Variants in PRDM16 observed in about 807,000 individuals in gnomAD.
The protein encoded by PRDM16 is histone-lysine N-methyltransferase PRDM16.
Under a neutral mutation model 110.6 loss-of-function variants are expected in PRDM16, and 23 were observed. The ratio of observed to expected loss-of-function variants is 0.21; its 90% CI spans 0.15 to 0.29. PRDM16 has a LOEUF of 0.29. PRDM16 is among the 10% of genes least tolerant of loss of function. The pLI is 1.00. For missense variants in PRDM16, 1,615 were observed against 1,794.3 expected, an observed-to-expected ratio of 0.90 and a Z score of 1.81; for synonymous variants, 799 against 781.8, an observed-to-expected ratio of 1.02 and a Z score of -0.37.
Position 3,382,389 on chromosome 1 carries a change from C to G in PRDM16, c.439-2763C>G, listed in dbSNP as rs1643116856. 6.6e-6 allele frequency among the ~76,000 whole-genome samples: 1 copy of G among 152,214 alleles called. No individual in the cohort carries two copies. The highest frequency in any genetic ancestry group is 6.5e-5 in the Admixed American group (1 of 15,290). On this transcript the variant is annotated intron_variant, in intron 3 of 16. Transcript: ENST00000270722. This position sits in a 1 kb window ranked among gnomAD's most constrained non-coding sequence, Gnocchi z 6.6. Reference sequence around the variant, plus strand: ...GTGACCTCCCTGGACAGCGTGAGGACCCTTCCTGCAGCCCCTTTAGGGACC... The same window carrying G: ...GTGACCTCCCTGGACAGCGTGAGGAGCCTTCCTGCAGCCCCTTTAGGGACC...
intron 1 of PRDM16, among the ~76,000 whole-genome samples, chr1:3,181,393 C>CACAA (rs1644177534): frequency 1.8e-5 from 1 of 56,760 alleles, no homozygotes; most frequent in Non-Finnish European, 3.7e-5. Flanking sequence ...CACGGCCTTA[C>CACAA]GCATGGTCTT....
intron 2 of PRDM16, among the ~76,000 whole-genome samples, chr1:3,224,760 C>T (rs1639248530): frequency 6.6e-6 from 1 of 152,252 alleles, no homozygotes; most frequent in African/African-American, 2.4e-5. Context: ...GGAACCCCTA[C>T]TGTGAAGCCA....
intron 3 of PRDM16, among the ~76,000 whole-genome samples, chr1:3,274,204 C>T (rs544036460): frequency 1.8e-4 from 28 of 152,174 alleles, no homozygotes; most frequent in Non-Finnish European, 3.5e-4. Context: ...AACCTGACGC[C>T]CTGGCAGGTA....
chr1:3,213,451 T>G lies in PRDM16; in HGVS notation c.387+26977T>G, dbSNP rs1294142466. ...AATTGGGAGGACTGTAATTTTCCAC[T>G]TAGGCTTGTCACCAATCGGGCAGTC... is the stretch of plus-strand genomic sequence containing the variant. On this transcript the variant is annotated intron_variant, in intron 2 of 16. Coordinates refer to ENST00000270722, the MANE Select transcript of PRDM16 (RefSeq NM_022114.4). The surrounding 1 kb of genome is among the most constrained non-coding windows in gnomAD (Gnocchi z 5.3). Among the ~76,000 whole-genome samples, 1 of 152,192 alleles carries G rather than the reference T, an allele frequency of 6.6e-6. No individual in the cohort carries two copies. Among genetic ancestry groups the G allele is most frequent in the Non-Finnish European group, 1.5e-5 (1 of 68,036 alleles).
chr1:3,183,908 G>A (rs948555779), intron 1 of PRDM16, among the ~76,000 whole-genome samples: 11 of 152,176 alleles, frequency 7.2e-5, no homozygotes, highest in African/African-American at 1.4e-4. Flanking sequence ...TAAGGAGCGC[G>A]TCGAGGGGGC....
chr1:3,117,138 TC>T (rs1274233211), intron 1 of PRDM16, among the ~76,000 whole-genome samples: 1 of 152,200 alleles, frequency 6.6e-6, no homozygotes, highest in Non-Finnish European at 1.5e-5. Context: ...GCTCTTCTGC[TC>T]CGGCTGTTTC....
At chr1:3,347,707 C>T (rs758483666) in intron 3 of PRDM16, among the ~76,000 whole-genome samples, 5 of 152,334 alleles carry the variant, frequency 3.3e-5, no homozygotes, top group South Asian at 2.1e-4. Flanking sequence ...GGGCAGGTTC[C>T]GGGCTAAGGA....
At chr1:3,430,634 C>T (rs952452815) in intron 14 of PRDM16, among the ~76,000 whole-genome samples, 2 of 152,250 alleles carry the variant, frequency 1.3e-5, no homozygotes, top group Non-Finnish European at 1.5e-5. Context: ...TGGGCCTTGC[C>T]CTGCCCCCAC....
intron 3 of PRDM16, among the ~76,000 whole-genome samples, chr1:3,284,065 G>T (rs1474117812): frequency 3.3e-5 from 5 of 152,144 alleles, no homozygotes; most frequent in Non-Finnish European, 2.9e-5. Flanking sequence ...GGAGCTGGGG[G>T]CCATCCTCCC....
In PRDM16 at chr1:3,320,382, G is replaced by C. The variant is rs114782035; in HGVS notation, c.439-64770G>C. ...CTGGTGTGAACATGCAGGTGTATGT[G>C]AGTGAGAATGTGGGGCTTGGTCTCT... On this transcript the variant is annotated intron_variant, in intron 3 of 16. Coordinates refer to ENST00000270722, the MANE Select transcript of PRDM16 (RefSeq NM_022114.4). 2.0e-3 allele frequency among the ~76,000 whole-genome samples: 304 copies of C among 152,356 alleles called. 2 individuals carry two copies. The highest frequency in any genetic ancestry group is 6.6e-3 in the African/African-American group (274 of 41,576).
chr1:3,342,846 G>A (rs1268856731), intron 3 of PRDM16, among the ~76,000 whole-genome samples: 3 of 152,212 alleles, frequency 2.0e-5, no homozygotes, highest in African/African-American at 4.8e-5. Context: ...CTGTATGGCA[G>A]TAGCATGCAT....
chr1:3,173,156 A>C (rs1484062606), intron 1 of PRDM16, among the ~76,000 whole-genome samples: 2 of 152,172 alleles, frequency 1.3e-5, no homozygotes, highest in Non-Finnish European at 2.9e-5. Context: ...TTCAGGAGGG[A>C]AACAGTGAGA....
At chr1:3,113,874 CGAA>C (rs1264013418) in intron 1 of PRDM16, among the ~76,000 whole-genome samples, 2 of 152,376 alleles carry the variant, frequency 1.3e-5, no homozygotes, top group African/African-American at 4.8e-5. Context: ...GCTCTGGAAT[CGAA>C]GGAGTTAGAT....
At position 3,157,435 on chromosome 1, in the gene PRDM16, A is replaced by C. The variant is rs1467817356; in HGVS notation, c.38-28690A>C. On this transcript the variant is annotated intron_variant, in intron 1 of 16. Transcript: ENST00000270722. The surrounding 1 kb of genome is among the most constrained non-coding windows in gnomAD (Gnocchi z 4.8). ...TTGCGATCCCATTAAAAAAAAAAAA[A>C]AAAAAAACACCTTTGTGGGGGCTGG... Among the ~76,000 whole-genome samples the C allele has an allele frequency of 2.0e-5, 3 of 151,606 alleles. No homozygotes were observed. Among genetic ancestry groups the C allele is most frequent in the Non-Finnish European group, 2.9e-5 (2 of 67,928 alleles).
chr1:3,099,494 C>T (rs370913217), intron 1 of PRDM16, among the ~76,000 whole-genome samples: 4 of 152,210 alleles, frequency 2.6e-5, no homozygotes, highest in African/African-American at 9.7e-5. Flanking sequence ...TAAACAAGGC[C>T]GGTGGGGGGC....
intron 3 of PRDM16, among the ~76,000 whole-genome samples, chr1:3,264,921 C>T (rs967453547): frequency 2.6e-5 from 4 of 152,008 alleles, no homozygotes; most frequent in African/African-American, 9.7e-5. Flanking sequence ...GATGGGAAGC[C>T]CAGAAGCCCA....
chr1:3,133,969 G>A (rs1254691681), intron 1 of PRDM16, among the ~76,000 whole-genome samples: 1 of 152,252 alleles, frequency 6.6e-6, no homozygotes, highest in Non-Finnish European at 1.5e-5. Context: ...CGTGTGAGAA[G>A]GAGGCTAGAG....
Position 3,412,312 on chromosome 1 carries a change from C to T in PRDM16, c.2115C>T (p.Gly705=), listed in dbSNP as rs980805069. The change falls in exon 9 of 17, where the codon GGC becomes GGT. Residue 705 remains glycine (G), a synonymous_variant. Coordinates refer to ENST00000270722, the MANE Select transcript of PRDM16 (RefSeq NM_022114.4). The part of the protein sequence containing the change: ...AIASIAEKYF[G]PGFMGMQEKK... ...CATCCATTGCCGAGAAGTACTTTGG[C>T]CCCGGCTTCATGGGGATGCAGGAGA... 2 of 1,613,658 alleles carry T rather than the reference C, an allele frequency of 1.2e-6. No individual in the cohort carries two copies. Among genetic ancestry groups the T allele is most frequent in the Non-Finnish European group, 1.7e-6 (2 of 1,180,036 alleles).
chr1:3,315,913 C>T lies in PRDM16; in HGVS notation c.439-69239C>T, dbSNP rs981604543. On this transcript the variant is annotated intron_variant, in intron 3 of 16. Transcript: ENST00000270722. The stretch of plus-strand genomic sequence containing the variant: ...GCAAAGAGATGCGTTGCCCGAGTGG[C>T]GGTGGCCCTGCCTGCGGAAGGTATC... Among the ~76,000 whole-genome samples, 5 of 151,720 alleles carry T rather than the reference C, an allele frequency of 3.3e-5. No homozygotes were observed. The East Asian group carries it at 7.8e-4, about 24-fold the overall frequency.
Sources: gnomAD v4.1 joint callset for allele counts (sites outside exome capture counted in the v4.1 genomes callset) on GRCh38, gnomAD v4.1.1 for gene constraint, Gnocchi (gnomAD v3.1) non-coding constraint, MANE v1.5 for transcripts, NCBI Gene and HGNC (gene_info 2026-07-23, HGNC 2026-07-21) for gene names.